FARP1: variants seen among roughly 807,000 people sequenced by gnomAD.
The protein encoded by FARP1 is FERM, ARHGEF and pleckstrin domain-containing protein 1.
FARP1 carries 52 observed loss-of-function variants against 128.8 expected under a neutral mutation model. The ratio of observed to expected loss-of-function variants is 0.40; its 90% CI spans 0.32 to 0.51. The LOEUF (loss-of-function observed/expected upper bound fraction) is 0.51, where lower values mean the gene tolerates loss of function less well. Among genes scored for constraint, FARP1 ranks in the 20% least tolerant of loss-of-function variants. FARP1 has a pLI of 0.45. For synonymous variants in FARP1, 580 were observed against 551.8 expected (o/e 1.05, Z -0.72); for missense variants, 1,333 against 1,367.9 (o/e 0.97, Z 0.40).
Position 98,431,166 on chromosome 13 carries a change from C to A in FARP1, c.2029C>A (p.Pro677Thr). 1 of 1,613,924 alleles carries A rather than the reference C, an allele frequency of 6.2e-7. No homozygotes were observed. Among genetic ancestry groups the A allele is most frequent in the Non-Finnish European group, 8.5e-7 (1 of 1,179,864 alleles). ...DFELQKVCYL[P>T]LNTFLLRPLH... ...TGAGCTGCAGAAGGTGTGTTACCTA[C>A]CGCTCAACACCTTCCTCCTGCGGCC... The change falls in exon 18 of 27, where the codon CCG becomes ACG. Residue 677 changes from proline to threonine, a missense_variant. Around this residue, in one of 2 missense-constraint regions of FARP1, gnomAD observed 1,009 missense variants for 969.8 expected, o/e 1.04. Transcript: ENST00000319562.
At chr13:98,424,204 A>G (rs755109582) in intron 16 of FARP1, among the ~76,000 whole-genome samples, 3 of 152,222 alleles carry the variant, frequency 2.0e-5, no homozygotes, top group Non-Finnish European at 4.4e-5. Flanking sequence ...TTTACAAGCT[A>G]CTTATTGCAA....
chr13:98,396,349 C>T (rs1016059696), intron 13 of FARP1: 5 of 399,052 alleles, frequency 1.3e-5, no homozygotes, highest in African/African-American at 4.1e-5. Flanking sequence ...GATGCTGATC[C>T]CCGGGAGTCA....
chr13:98,380,607 T>A lies in FARP1; in HGVS notation c.496+2689T>A, dbSNP rs548596591. Among the ~76,000 whole-genome samples, 6 of 152,292 alleles carry A rather than the reference T, an allele frequency of 3.9e-5. No individual in the cohort carries two copies. The South Asian group carries it at 1.2e-3, about 32-fold the overall frequency. ...CCCAAAATTTTTTTTTTAGACAGTC[T>A]CTGTCACCCAGATTGGAGCGTAGTC... is the stretch of plus-strand genomic sequence containing the variant. On this transcript the variant is annotated intron_variant, in intron 6 of 26. Transcript: ENST00000319562.
At chr13:98,179,456 C>A (rs779849807) in intron 1 of FARP1, among the ~76,000 whole-genome samples, 14 of 152,144 alleles carry the variant, frequency 9.2e-5, no homozygotes, top group Non-Finnish European at 2.1e-4. Flanking sequence ...TCTCGAGTTT[C>A]TACAGAGAAG....
intron 2 of FARP1, among the ~76,000 whole-genome samples, chr13:98,228,028 G>C (rs1212277938): frequency 6.6e-6 from 1 of 152,196 alleles, no homozygotes. Context: ...TCACAACAAT[G>C]CGAATATACC....
At chr13:98,252,792 T>C (rs1363029747) in intron 2 of FARP1, among the ~76,000 whole-genome samples, 1 of 152,242 alleles carries the variant, frequency 6.6e-6, no homozygotes, top group Non-Finnish European at 1.5e-5. Flanking sequence ...AGATTATCTA[T>C]TATCCTGCTC....
rs1241460880 is a variant in FARP1, at chr13:98,395,288, G to A, written c.1226G>A (p.Cys409Tyr). 2.5e-5 allele frequency: 40 copies of A among 1,609,292 alleles called. No homozygotes were observed. Among genetic ancestry groups the A allele is most frequent in the Non-Finnish European group, 3.4e-5 (40 of 1,176,488 alleles). The change falls in exon 13 of 27, where the codon TGC becomes TAC. Residue 409 changes from cysteine to tyrosine, a missense_variant. Cys to Tyr is a radical substitution (Grantham distance 194). This residue lies in a region of FARP1 where 1,009 missense variants were observed against 969.8 expected (regional missense o/e 1.04). Transcript: ENST00000319562. ...GCCGAATCTCCAGGGGGCCAGAGCT[G>A]CCGGCGAGGAAAGGAACCGAAGGTT... ...EGAESPGGQS[C>Y]RRGKEPKVSA... is the part of the protein sequence containing the mutation.
At chr13:98,159,340 T>G (rs1245507776) in intron 1 of FARP1, among the ~76,000 whole-genome samples, 10 of 152,246 alleles carry the variant, frequency 6.6e-5, no homozygotes, top group Admixed American at 6.5e-4. Flanking sequence ...GTCAGGGGTC[T>G]TCTTGTAGTA....
intron 5 of FARP1, among the ~76,000 whole-genome samples, chr13:98,375,320 G>A (rs1290309787): frequency 1.3e-5 from 2 of 152,186 alleles, no homozygotes; most frequent in East Asian, 3.8e-4. Context: ...TTTCTTTAGA[G>A]TTTGTGGAAT....
At chr13:98,372,784 A>G (rs1889406297) in intron 5 of FARP1, among the ~76,000 whole-genome samples, 1 of 151,510 alleles carries the variant, frequency 6.6e-6, no homozygotes, top group African/African-American at 2.4e-5. Context: ...TGAGAGGTGG[A>G]CTCTCCTCAC....
At chr13:98,145,491 T>A (rs1322800219) in intron 1 of FARP1, among the ~76,000 whole-genome samples, 1 of 152,224 alleles carries the variant, frequency 6.6e-6, no homozygotes, top group Non-Finnish European at 1.5e-5. Flanking sequence ...ACAAGTTTCT[T>A]ACTGGGTTAT....
At chr13:98,339,147 A>G (rs1488067767) in intron 2 of FARP1, among the ~76,000 whole-genome samples, 1 of 152,216 alleles carries the variant, frequency 6.6e-6, no homozygotes, top group African/African-American at 2.4e-5. Flanking sequence ...ACAGTGCTAT[A>G]AAGAACCACC....
chr13:98,175,970 T>A (rs1482213267), intron 1 of FARP1: 3 of 607,188 alleles, frequency 4.9e-6, no homozygotes, highest in Non-Finnish European at 8.9e-6. Context: ...CCATGGACAC[T>A]TGGGTTGTTT....
rs574355693 is a variant in FARP1, at chr13:98,352,346, A to G, written c.276+8480A>G. On this transcript the variant is annotated intron_variant, in intron 3 of 26. Transcript: ENST00000319562. ...TTTGAGAAGAGCAGCTGAAATGGGTAAGGCCTAACAGGGCTGGAGCAGCTG... is the reference window on the plus strand; with the variant it reads ...TTTGAGAAGAGCAGCTGAAATGGGTGAGGCCTAACAGGGCTGGAGCAGCTG... Among the ~76,000 whole-genome samples, 41 of 152,312 alleles carry G rather than the reference A, an allele frequency of 2.7e-4. No homozygotes were observed. The South Asian group carries it at 8.5e-3, about 32-fold the overall frequency.
At chr13:98,374,488 AGTTAG>A (rs1368895622) in intron 5 of FARP1, among the ~76,000 whole-genome samples, 7 of 152,184 alleles carry the variant, frequency 4.6e-5, no homozygotes, top group Non-Finnish European at 1.0e-4. Context: ...TATTGCATCT[AGTTAG>A]TATGTCATCT....
At chr13:98,443,667 T>TCTA (rs1892626267) in intron 24 of FARP1, among the ~76,000 whole-genome samples, 3 of 152,158 alleles carry the variant, frequency 2.0e-5, no homozygotes, top group Non-Finnish European at 2.9e-5. Flanking sequence ...CCGGCAGGCC[T>TCTA]GGGGGCTCCC....
intron 2 of FARP1, among the ~76,000 whole-genome samples, chr13:98,307,881 T>C (rs570282790): frequency 1.4e-4 from 22 of 152,312 alleles, no homozygotes; most frequent in African/African-American, 5.1e-4. Flanking sequence ...TTTTCATTGC[T>C]TGCTGGATAA....
At chr13:98,332,265 A>G (rs1887542745) in intron 2 of FARP1, 1 of 151,516 alleles carries the variant, frequency 6.6e-6, no homozygotes, top group Admixed American at 6.6e-5. Flanking sequence ...CAGCCCTACA[A>G]CCACCATTCT....
At chr13:98,344,575 C>T (rs1888102254) in intron 3 of FARP1, among the ~76,000 whole-genome samples, 1 of 152,116 alleles carries the variant, frequency 6.6e-6, no homozygotes, top group South Asian at 2.1e-4. Flanking sequence ...GGAAAGAGAT[C>T]TGGGTGGAAA....
Sources: allele counts gnomAD v4.1 joint callset (sites outside exome capture counted in the v4.1 genomes callset), GRCh38; gene constraint gnomAD v4.1.1; regional missense constraint gnomAD v4.1.1; transcripts MANE v1.5; gene names NCBI Gene and HGNC (gene_info 2026-07-23, HGNC 2026-07-21).